RNF150: variants seen among roughly 807,000 people sequenced by gnomAD.
RNF150 encodes the protein ring finger protein 150.
RNF150 carries 24 observed loss-of-function variants against 39.3 expected under a neutral mutation model. That is an observed-to-expected ratio of 0.61 (90% confidence interval 0.44 to 0.86). The LOEUF is 0.86. RNF150 is among the 40% of genes least tolerant of loss of function. RNF150 has a pLI of 0.00. For synonymous variants in RNF150, 255 were observed against 227.3 expected (o/e 1.12, Z -1.10); for missense variants, 502 against 587.8 (o/e 0.85, Z 1.51).
In RNF150 at chr4:140,905,503, T is replaced by C. The variant is rs535960127; in HGVS notation, c.1198+5641A>G. Among the ~76,000 whole-genome samples, 7 of 152,296 alleles carry C rather than the reference T, an allele frequency of 4.6e-5. 2 individuals carry two copies. The South Asian group carries it at 1.4e-3, about 32-fold the overall frequency. Reference sequence around the variant, plus strand: ...GTATAAAGGGGAACTTGTTCGGTAATTCTTGACCCCATCACCCATCTTGAG... The same window carrying C: ...GTATAAAGGGGAACTTGTTCGGTAACTCTTGACCCCATCACCCATCTTGAG... On this transcript the variant is annotated intron_variant, in intron 6 of 6. Transcript: ENST00000515673.
intron 1 of RNF150, among the ~76,000 whole-genome samples, chr4:141,046,254 A>G (rs1736572285): frequency 1.3e-5 from 2 of 152,180 alleles, no homozygotes; most frequent in South Asian, 4.2e-4. Flanking sequence ...GGGGGAATAC[A>G]CTTCTACAAA....
intron 6 of RNF150, among the ~76,000 whole-genome samples, chr4:140,888,401 G>A (rs548179329): frequency 2.6e-5 from 4 of 152,154 alleles, no homozygotes; most frequent in Non-Finnish European, 5.9e-5. Flanking sequence ...AAAGCATATA[G>A]TAACAAGAGC....
chr4:141,058,526 T>C (rs538374827), intron 1 of RNF150, among the ~76,000 whole-genome samples: 1 of 152,190 alleles, frequency 6.6e-6, no homozygotes, highest in African/African-American at 2.4e-5. Context: ...TTGCCGAATA[T>C]TCCACCTTCA....
intron 4 of RNF150, among the ~76,000 whole-genome samples, chr4:140,943,014 T>A (rs1184901788): frequency 6.6e-6 from 1 of 152,126 alleles, no homozygotes; most frequent in Non-Finnish European, 1.5e-5. Context: ...AAACAACTCA[T>A]CAAAGGATAT....
intron 1 of RNF150, among the ~76,000 whole-genome samples, chr4:141,077,117 G>T (rs187342050): frequency 3.0e-3 from 459 of 152,190 alleles, no homozygotes; most frequent in Non-Finnish European, 4.5e-3. Context: ...AGTAAAAAAG[G>T]GGGATAGAAA....
chr4:140,921,239 A>C (rs963827463), intron 5 of RNF150, among the ~76,000 whole-genome samples: 2 of 151,842 alleles, frequency 1.3e-5, no homozygotes, highest in Non-Finnish European at 2.9e-5. Context: ...ATAAAGAAGA[A>C]AAGAGAGAAG....
At chr4:141,197,828 A>G (rs1728224964) in intron 1 of RNF150, among the ~76,000 whole-genome samples, 1 of 151,840 alleles carries the variant, frequency 6.6e-6, no homozygotes, top group Admixed American at 6.6e-5. Flanking sequence ...CAGTGAGCCA[A>G]GATGGCACCA....
chr4:141,186,122 G>C (rs1416885544), intron 1 of RNF150, among the ~76,000 whole-genome samples: 2 of 152,182 alleles, frequency 1.3e-5, no homozygotes, highest in African/African-American at 4.8e-5. Flanking sequence ...GCTCCTCTTT[G>C]TACCTGTGGT....
At chr4:140,912,076 T>C (rs1005741392) in intron 5 of RNF150, among the ~76,000 whole-genome samples, 1 of 152,244 alleles carries the variant, frequency 6.6e-6, no homozygotes, top group Non-Finnish European at 1.5e-5. Flanking sequence ...CATTGACAGC[T>C]TCCCTTGAAG....
chr4:140,922,096 A>C (rs571612953), intron 5 of RNF150, among the ~76,000 whole-genome samples: 1 of 151,944 alleles, frequency 6.6e-6, no homozygotes, highest in East Asian at 1.9e-4. Context: ...CCTATTCAAC[A>C]TAGTGTTGGA....
intron 1 of RNF150, among the ~76,000 whole-genome samples, chr4:140,974,585 T>C (rs1378018302): frequency 6.6e-6 from 1 of 152,206 alleles, no homozygotes; most frequent in Admixed American, 6.6e-5. Flanking sequence ...CAAACTGTTT[T>C]CCAGAGTGGC....
rs1341368048 is a variant in RNF150 at position 141,053,106 on chromosome 4, G to A, written c.484+79219C>T. Among the ~76,000 whole-genome samples the A allele has an allele frequency of 2.0e-5, 3 of 152,142 alleles. No individual in the cohort carries two copies. In the East Asian group the frequency reaches 5.8e-4, roughly 29 times the overall value. ...TGTTTAAATTACTGCTAGTCACACG[G>A]TAAGTGCTGAAAAGTTACCACTTTC... is the stretch of plus-strand genomic sequence containing the variant. On this transcript the variant is annotated intron_variant, in intron 1 of 6. Coordinates refer to ENST00000515673, the MANE Select transcript of RNF150 (RefSeq NM_020724.2).
chr4:140,944,171 T>C (rs1732195989), intron 4 of RNF150, among the ~76,000 whole-genome samples: 1 of 152,162 alleles, frequency 6.6e-6, no homozygotes. Context: ...GATAATAAAA[T>C]GAAACATCTT....
rs113030164 is a variant in RNF150, at chr4:140,889,042, G to GT, written c.1199-20664dup. On this transcript the variant is annotated intron_variant, in intron 6 of 6. Coordinates refer to ENST00000515673, the MANE Select transcript of RNF150 (RefSeq NM_020724.2). ...GGTCTTCTAACTCTTTAAACAGTTT[G>GT]TTTTTTTTTTTAAATGAAAAAATAG... Among the ~76,000 whole-genome samples, 913 of 145,436 alleles carry GT rather than the reference G, an allele frequency of 6.3e-3. 7 individuals are homozygous for GT. The highest frequency in any genetic ancestry group is 0.02 in the African/African-American group (780 of 39,788).
intron 1 of RNF150, among the ~76,000 whole-genome samples, chr4:141,091,623 C>A (rs1005729496): frequency 2.6e-5 from 4 of 152,206 alleles, no homozygotes; most frequent in African/African-American, 9.6e-5. Flanking sequence ...ACCACTGGAC[C>A]GGTACACAGG....
intron 1 of RNF150, among the ~76,000 whole-genome samples, chr4:141,199,721 A>G (rs1393043621): frequency 6.6e-6 from 1 of 152,200 alleles, no homozygotes; most frequent in East Asian, 1.9e-4. Context: ...TTTCAGATTG[A>G]CGGACTGTTC....
chr4:141,141,271 A>G (rs1240557672), intron 1 of RNF150, among the ~76,000 whole-genome samples: 1 of 152,198 alleles, frequency 6.6e-6, no homozygotes. Flanking sequence ...GTTGAAATTG[A>G]TGATGTTTAA....
In RNF150 at chr4:141,150,771, C is replaced by A. The variant is rs562274594; in HGVS notation, c.-6+62023G>T. Among the ~76,000 whole-genome samples, 11 of 152,248 alleles carry A rather than the reference C, an allele frequency of 7.2e-5. No homozygotes were observed. The South Asian group carries it at 2.3e-3, about 32-fold the overall frequency. ...TACTAGAATGTAAATCTTAAGAGGG[C>A]AGGAATTTTCATCCACATTCTTTAT... On this transcript the variant is annotated intron_variant, in intron 1 of 7. Transcript: ENST00000420921.
chr4:140,997,688 C>CTGCGTGTGTATATATACACACACATATA (rs1734426536), intron 1 of RNF150, among the ~76,000 whole-genome samples: 2 of 137,054 alleles, frequency 1.5e-5, no homozygotes, highest in Non-Finnish European at 3.2e-5. Flanking sequence ...GCACTCCAGC[C>CTGCGTGTGTATATATACACACACATATA]TGTGTGTGTA....
Sources: allele counts gnomAD v4.1 joint callset (sites outside exome capture counted in the v4.1 genomes callset), GRCh38; gene constraint gnomAD v4.1.1; transcripts MANE v1.5; gene names NCBI Gene and HGNC (gene_info 2026-07-23, HGNC 2026-07-21).